NLGN1: variants seen among roughly 807,000 people sequenced by gnomAD.
The protein encoded by NLGN1 is neuroligin 1.
In NLGN1, 12 loss-of-function variants were observed where a neutral mutation model predicts 65.5. The ratio of observed to expected loss-of-function variants is 0.18; its 90% CI spans 0.12 to 0.30. NLGN1 has a LOEUF of 0.30. Among genes scored for constraint, NLGN1 ranks in the 10% least tolerant of loss-of-function variants. NLGN1 has a pLI of 1.00. For missense variants in NLGN1, 750 were observed against 1,007.1 expected (o/e 0.74, Z 3.46); for synonymous variants, 350 against 359.5 (o/e 0.97, Z 0.30).
chr3:174,100,359 A>G (rs1712139243), intron 4 of NLGN1, among the ~76,000 whole-genome samples: 1 of 152,130 alleles, frequency 6.6e-6, no homozygotes, highest in African/African-American at 2.4e-5. Context: ...ATTTTTATCA[A>G]TTTAATTAAA....
rs1400883602 is a variant in NLGN1 at position 173,982,365 on chromosome 3, T to G, written c.646+174533T>G. On this transcript the variant is annotated intron_variant, in intron 4 of 6. Transcript: ENST00000457714. Reference sequence around the variant, plus strand: ...TATTTTAATATTTAATTATTACATATTTGCTTTTTCTTGAGACAAAGAGAA... The same window carrying G: ...TATTTTAATATTTAATTATTACATAGTTGCTTTTTCTTGAGACAAAGAGAA... Among the ~76,000 whole-genome samples, 4 of 152,070 alleles carry G rather than the reference T, an allele frequency of 2.6e-5. 1 individual carries two copies. Among genetic ancestry groups the G allele is most frequent in the African/African-American group, 7.2e-5 (3 of 41,442 alleles).
At chr3:174,222,384 A>G (rs1361570980) in intron 4 of NLGN1, among the ~76,000 whole-genome samples, 1 of 152,186 alleles carries the variant, frequency 6.6e-6, no homozygotes, top group Non-Finnish European at 1.5e-5. Context: ...CTTTATATAG[A>G]TATTTGGTAG....
intron 4 of NLGN1, among the ~76,000 whole-genome samples, chr3:173,846,459 TGA>T (rs1725812151): frequency 6.6e-6 from 1 of 151,978 alleles, no homozygotes. Flanking sequence ...GTGGGAGAGG[TGA>T]GAGAACACGT....
At chr3:173,634,410 A>G (rs1318219158) in intron 3 of NLGN1, among the ~76,000 whole-genome samples, 1 of 152,118 alleles carries the variant, frequency 6.6e-6, no homozygotes, top group Non-Finnish European at 1.5e-5. Context: ...GCCTCATGTA[A>G]TATGTTTTTA....
At chr3:173,623,062 A>G (rs566850543) in intron 3 of NLGN1, among the ~76,000 whole-genome samples, 29 of 152,252 alleles carry the variant, frequency 1.9e-4, no homozygotes, top group African/African-American at 6.3e-4. Context: ...GAACTAGGCT[A>G]TGAAACCACA....
chr3:173,731,911 A>G (rs902814413), intron 3 of NLGN1, among the ~76,000 whole-genome samples: 8 of 152,198 alleles, frequency 5.3e-5, no homozygotes, highest in Admixed American at 5.2e-4. Flanking sequence ...CAGAGTAATG[A>G]AAAGATAAAC....
At chr3:174,143,917 T>C (rs1722732108) in intron 4 of NLGN1, among the ~76,000 whole-genome samples, 1 of 152,108 alleles carries the variant, frequency 6.6e-6, no homozygotes, top group Non-Finnish European at 1.5e-5. Flanking sequence ...CAATTGATAG[T>C]TTTTTTATTA....
chr3:173,472,090 A>T (rs1034202969), intron 2 of NLGN1, among the ~76,000 whole-genome samples: 1 of 152,148 alleles, frequency 6.6e-6, no homozygotes, highest in Non-Finnish European at 1.5e-5. Flanking sequence ...GGAACATTCA[A>T]TCCTTCCCTT....
chr3:173,877,657 A>G (rs1367534769), intron 4 of NLGN1, among the ~76,000 whole-genome samples: 2 of 152,082 alleles, frequency 1.3e-5, no homozygotes, highest in African/African-American at 2.4e-5. Context: ...TTTCTGTACT[A>G]TTTTTGCCAC....
At chr3:174,135,783 G>A (rs567360486) in intron 4 of NLGN1, among the ~76,000 whole-genome samples, 34 of 152,126 alleles carry the variant, frequency 2.2e-4, no homozygotes, top group African/African-American at 5.8e-4. Flanking sequence ...AAAATTTACC[G>A]ATCAAGAACT....
chr3:173,528,478 T>C (rs1203916959), intron 2 of NLGN1, among the ~76,000 whole-genome samples: 1 of 152,214 alleles, frequency 6.6e-6, no homozygotes, highest in East Asian at 1.9e-4. Flanking sequence ...TCTGAATTTC[T>C]GCATCTCTAG....
At chr3:174,106,946 G>A (rs1405719129) in intron 4 of NLGN1, among the ~76,000 whole-genome samples, 4 of 143,298 alleles carry the variant, frequency 2.8e-5, no homozygotes, top group African/African-American at 1.0e-4. Context: ...TCTTCTACTC[G>A]ATCTATTGAT....
At chr3:173,760,610 T>C (rs901682140) in intron 3 of NLGN1, among the ~76,000 whole-genome samples, 10 of 152,042 alleles carry the variant, frequency 6.6e-5, no homozygotes, top group African/African-American at 2.4e-5. Flanking sequence ...TATTGTACTA[T>C]ATGAACATTT....
In NLGN1 at chr3:173,765,051, CAT is replaced by C. The variant is rs1491094849; in HGVS notation, c.494-42628_494-42627del. Among the ~76,000 whole-genome samples the C allele has an allele frequency of 8.9e-4, 78 of 88,066 alleles. No individual in the cohort carries two copies. In the East Asian group the frequency reaches 0.016, roughly 18 times the overall value. 57.8% of individuals were successfully genotyped at this position (88,066 alleles called of 152,430 possible). A position where few individuals can be genotyped will look rare whatever the true frequency, so the allele number is the denominator to read the frequency against. On this transcript the variant is annotated intron_variant, in intron 3 of 6. Coordinates refer to ENST00000457714, the Ensembl canonical transcript of NLGN1. ...CAGAAATTGCTAATTGCTGTGGGTG[CAT>C]GTGTGTGTGTGTGTGTGTGTGTGTG... is the stretch of plus-strand genomic sequence containing the variant.
At chr3:173,632,862 T>G (rs964487704) in intron 3 of NLGN1, among the ~76,000 whole-genome samples, 82 of 150,968 alleles carry the variant, frequency 5.4e-4, no homozygotes, top group South Asian at 3.6e-3. Flanking sequence ...TTTTTTTTTT[T>G]TTTTTAATAG....
At chr3:174,231,066 G>A (rs1175782212) in intron 4 of NLGN1, among the ~76,000 whole-genome samples, 1 of 152,162 alleles carries the variant, frequency 6.6e-6, no homozygotes, top group Non-Finnish European at 1.5e-5. Context: ...CCCAAAGTGA[G>A]TTCTGTCTAC....
intron 2 of NLGN1, among the ~76,000 whole-genome samples, chr3:173,467,528 C>G (rs955240022): frequency 3.9e-5 from 6 of 152,102 alleles, no homozygotes; most frequent in Non-Finnish European, 5.9e-5. Flanking sequence ...AATACTTTCA[C>G]TAGAAATGTA....
At chr3:174,059,107 A>G (rs1364327117) in intron 4 of NLGN1, among the ~76,000 whole-genome samples, 1 of 152,108 alleles carries the variant, frequency 6.6e-6, no homozygotes, top group Admixed American at 6.6e-5. Flanking sequence ...CTAACTGGGC[A>G]CCTCAATTAT....
chr3:174,025,620 G>T (rs991092706), intron 4 of NLGN1, among the ~76,000 whole-genome samples: 1 of 152,070 alleles, frequency 6.6e-6, no homozygotes, highest in African/African-American at 2.4e-5. Flanking sequence ...ATTTAAACTT[G>T]CTAGTAAATA....
Sources: gnomAD v4.1 joint callset for allele counts (sites outside exome capture counted in the v4.1 genomes callset) on GRCh38, gnomAD v4.1.1 for gene constraint, MANE v1.5 for transcripts, NCBI Gene and HGNC (gene_info 2026-07-23, HGNC 2026-07-21) for gene names.